SEPTIN1: variants seen among roughly 807,000 people sequenced by gnomAD.
SEPTIN1 encodes septin 1.
A neutral mutation model predicts 50.7 loss-of-function variants in SEPTIN1; 52 were observed. The ratio of observed to expected loss-of-function variants is 1.03; its 90% CI spans 0.82 to 1.29. SEPTIN1 has a LOEUF of 1.29. Among genes scored for constraint, SEPTIN1 ranks in the 50% most tolerant of loss-of-function variants. The pLI is 0.00. For missense variants in SEPTIN1, 455 were observed against 490.7 expected (o/e 0.93, Z 0.69); for synonymous variants, 204 against 189.1 (o/e 1.08, Z -0.65).
At position 30,379,467 on chromosome 16, in the gene SEPTIN1, C is replaced by G. The variant is rs761882617; in HGVS notation, c.743G>C (p.Arg248Thr). 7 of 1,613,944 alleles carry G rather than the reference C, an allele frequency of 4.3e-6. No homozygotes were observed. The highest frequency in any genetic ancestry group is 5.9e-6 in the Non-Finnish European group (7 of 1,179,990). The change falls in exon 8 of 11, where the codon AGG becomes ACG. Residue 248 changes from arginine to threonine, a missense_variant. Transcript: ENST00000321367. ...VVRDGGNRPV[R>T]GRRYSWGTVE... is the part of the protein sequence containing the mutation. Reference sequence around the variant, plus strand: ...GGTCCCCCAGGAGTAGCGGCGTCCCCTCACCGGCCGGTTCCCGCCATCCCT... The same window carrying G: ...GGTCCCCCAGGAGTAGCGGCGTCCCGTCACCGGCCGGTTCCCGCCATCCCT...
intron 8 of SEPTIN1, 74 bp downstream of exon 8, chr16:30,379,361 A>G (rs1184923355): frequency 6.8e-7 from 1 of 1,464,498 alleles, no homozygotes; most frequent in Non-Finnish European, 9.5e-7. Context: ...CCCCAACTTC[A>G]CATGTTGAGT....
At position 30,378,320 on chromosome 16, in the gene SEPTIN1, C is replaced by T; in HGVS notation, c.*114G>A. ...GCTGGGAGAACCTCCCCCTAGCCCGCGCGAGGGCGGCACCCGCGGAGGTCC... is the reference window on the plus strand; with the variant it reads ...GCTGGGAGAACCTCCCCCTAGCCCGTGCGAGGGCGGCACCCGCGGAGGTCC... On this transcript the variant is annotated 3_prime_UTR_variant, in exon 11 of 11. Transcript: ENST00000321367. 1 of 1,047,466 alleles carries T rather than the reference C, an allele frequency of 9.5e-7. No individual in the cohort carries two copies. The highest frequency in any genetic ancestry group is 1.6e-5 in the African/African-American group (1 of 61,618). The allele number at this position is 1,047,466 out of a possible 1,614,324, so 64.9% of individuals were successfully genotyped here.
chr16:30,378,358 G>A lies in SEPTIN1; in HGVS notation c.*76C>T, dbSNP rs1336509220. ...CCCGCGGAGGTCCCGGGGGGCGCTG[G>A]GCAGTGTGGGGCGCGGGGATTGGAC... On this transcript the variant is annotated 3_prime_UTR_variant, in exon 11 of 11. Transcript: ENST00000321367. 2.2e-6 allele frequency: 3 copies of A among 1,364,136 alleles called. No individual in the cohort carries two copies. Among genetic ancestry groups the A allele is most frequent in the East Asian group, 2.5e-5 (1 of 39,906 alleles). 84.5% of individuals were successfully genotyped at this position (1,364,136 alleles called of 1,614,324 possible). A position where few individuals can be genotyped will look rare whatever the true frequency, so the allele number is the denominator to read the frequency against.
Position 30,381,967 on chromosome 16 carries a change from C to T in SEPTIN1, c.197-84G>A. 3 of 1,604,678 alleles carry T rather than the reference C, an allele frequency of 1.9e-6. No homozygotes were observed. The highest frequency in any genetic ancestry group is 2.6e-6 in the Non-Finnish European group (3 of 1,174,166). On this transcript the variant is annotated intron_variant, in intron 3 of 10. Transcript: ENST00000321367. The surrounding 1 kb of genome is among the most constrained non-coding windows in gnomAD (Gnocchi z 4.3). ...TTTGTCAATATCACAGTTGCCTGCA[C>T]CCATTTCCCAGGGGAGGAAAGTCTC...
At chr16:30,379,818 G>T (rs1274859860) in intron 7 of SEPTIN1, 114 bp downstream of exon 7, 8 of 681,548 alleles carry the variant, frequency 1.2e-5, no homozygotes, top group African/African-American at 1.1e-4. Context: ...TGTTGCCCAG[G>T]CTGGTCTGGA....
intron 6 of SEPTIN1, chr16:30,380,305 A>G: frequency 5.1e-6 from 1 of 196,730 alleles, no homozygotes; most frequent in Non-Finnish European, 1.0e-5. Flanking sequence ...TACAACAAAT[A>G]TACACATATA....
rs779692638 is a variant in SEPTIN1, at chr16:30,378,232, G to T, written c.*202C>A. The T allele has an allele frequency of 1.8e-5, 12 of 672,172 alleles. 1 individual carries two copies. In the South Asian group the frequency reaches 2.0e-4, roughly 11 times the overall value. The allele number at this position is 672,172 out of a possible 1,614,324, so 41.6% of individuals were successfully genotyped here. A position where few individuals can be genotyped will look rare whatever the true frequency, so the allele number is the denominator to read the frequency against. On this transcript the variant is annotated 3_prime_UTR_variant, in exon 11 of 11. Transcript: ENST00000321367. ...GCGGTCGGAGATTGTGCAGGCCCCG[G>T]GCCGGGAAGTGGGCGGTGTCTGGGT...
At position 30,381,046 on chromosome 16, in the gene SEPTIN1, C is replaced by G. The variant is rs547951510; in HGVS notation, c.573+81G>C. 63 of 1,137,360 alleles carry G rather than the reference C, an allele frequency of 5.5e-5. No homozygotes were observed. The South Asian group carries it at 7.5e-4, about 13-fold the overall frequency. 70.5% of individuals were successfully genotyped at this position (1,137,360 alleles called of 1,614,324 possible). Reference sequence around the variant, plus strand: ...CCTGATGCACCATGCTCCAGAAAGGCCACTTCAAGATCAAAGAAGTCTAAG... The same window carrying G: ...CCTGATGCACCATGCTCCAGAAAGGGCACTTCAAGATCAAAGAAGTCTAAG... On this transcript the variant is annotated intron_variant, in intron 6 of 10. Transcript: ENST00000321367. This position sits in a 1 kb window ranked among gnomAD's most constrained non-coding sequence, Gnocchi z 4.3.
At position 30,379,475 on chromosome 16, in the gene SEPTIN1, C is replaced by T. The variant is rs1364572876; in HGVS notation, c.735G>A (p.Arg245=). ...SCEVVRDGGN[R]PVRGRRYSWG... ...AGGAGTAGCGGCGTCCCCTCACCGG[C>T]CGGTTCCCGCCATCCCTCACCACCT... is the stretch of plus-strand genomic sequence containing the variant. The change falls in exon 8 of 11, where the codon CGG becomes CGA. Residue 245 remains arginine, a synonymous_variant. Transcript: ENST00000321367. 1.7e-5 allele frequency: 28 copies of T among 1,613,792 alleles called. No individual in the cohort carries two copies. The highest frequency in any genetic ancestry group is 6.7e-5 in the Admixed American group (4 of 59,980).
rs746072684 is a variant in SEPTIN1 at position 30,381,095 on chromosome 16, TG to T, written c.573+31del. The stretch of plus-strand genomic sequence containing the variant: ...AGCTGAAATCAGGTTTGGCTTCACA[TG>T]GGGTCAAAGGTCAGAGGTCATCACT... On this transcript the variant is annotated intron_variant, in intron 6 of 10. Coordinates refer to ENST00000321367, the MANE Select transcript of SEPTIN1 (RefSeq NM_001365977.2). This position sits in a 1 kb window ranked among gnomAD's most constrained non-coding sequence, Gnocchi z 4.3. 2 of 1,543,170 alleles carry T rather than the reference TG, an allele frequency of 1.3e-6. No individual in the cohort carries two copies. The highest frequency in any genetic ancestry group is 3.3e-5 in the Admixed American group (2 of 59,896).
At position 30,381,593 on chromosome 16, in the gene SEPTIN1, G is replaced by A; in HGVS notation, c.321-120C>T. ...TGGCTCCCTCCAAAGACATTAAGGG[G>A]AACTGGTGGGGGCCTAGGTGAGTCA... On this transcript the variant is annotated intron_variant, in intron 4 of 10. Coordinates refer to ENST00000321367, the MANE Select transcript of SEPTIN1 (RefSeq NM_001365977.2). The surrounding 1 kb of genome is among the most constrained non-coding windows in gnomAD (Gnocchi z 4.3). 6.8e-7 allele frequency: 1 copy of A among 1,466,784 alleles called. No homozygotes were observed. Among genetic ancestry groups the A allele is most frequent in the Non-Finnish European group, 9.4e-7 (1 of 1,066,844 alleles). The allele number at this position is 1,466,784 out of a possible 1,614,324, so 90.9% of individuals were successfully genotyped here. A position where few individuals can be genotyped will look rare whatever the true frequency, so the allele number is the denominator to read the frequency against.
At position 30,381,436 on chromosome 16, in the gene SEPTIN1, C is replaced by G. The variant is rs770840091; in HGVS notation, c.358G>C (p.Glu120Gln). The change falls in exon 5 of 11, where the codon GAG becomes CAG. Residue 120 changes from glutamate (E) to glutamine (Q), a missense_variant. Transcript: ENST00000321367. The surrounding 1 kb of genome is among the most constrained non-coding windows in gnomAD (Gnocchi z 4.3). Reference sequence around the variant, plus strand: ...CCACTCTCATCCCTAAGGTACTGCTCAAATTGCTCCTCGATGAATTTCACC... The same window carrying G: ...CCACTCTCATCCCTAAGGTACTGCTGAAATTGCTCCTCGATGAATTTCACC... ...PVVKFIEEQFEQYLRDESGLN... is the reference protein window; with the variant it reads ...PVVKFIEEQFQQYLRDESGLN... The G allele has an allele frequency of 6.2e-7, 1 of 1,614,012 alleles. No homozygotes were observed. Among genetic ancestry groups the G allele is most frequent in the Non-Finnish European group, 8.5e-7 (1 of 1,180,008 alleles).
At position 30,381,477 on chromosome 16, in the gene SEPTIN1, G is replaced by C. The variant is rs895126913; in HGVS notation, c.321-4C>G. 1.2e-6 allele frequency: 2 copies of C among 1,614,042 alleles called. No individual in the cohort carries two copies. Among genetic ancestry groups the C allele is most frequent in the Non-Finnish European group, 1.7e-6 (2 of 1,179,986 alleles). ...GAATTTCACCACCGGAAGCCAGCTG[G>C]GTGTGGGGAGAGGATGTGAGGTCAG... On this transcript the variant is annotated splice_region_variant and splice_polypyrimidine_tract_variant and intron_variant, in intron 4 of 10. Transcript: ENST00000321367. The surrounding 1 kb of genome is among the most constrained non-coding windows in gnomAD (Gnocchi z 4.3).
chr16:30,381,620 C>A lies in SEPTIN1; in HGVS notation c.320+140G>T. 2.0e-6 allele frequency: 3 copies of A among 1,477,920 alleles called. No individual in the cohort carries two copies. The highest frequency in any genetic ancestry group is 3.9e-5 in the Admixed American group (2 of 51,656). 91.6% of individuals were successfully genotyped at this position (1,477,920 alleles called of 1,614,324 possible). ...ACTGGTGGGGGCCTAGGTGAGTCAT[C>A]AAGAAGCACAGGGACCCAGTGGCCC... On this transcript the variant is annotated intron_variant, in intron 4 of 10. Transcript: ENST00000321367. This position sits in a 1 kb window ranked among gnomAD's most constrained non-coding sequence, Gnocchi z 4.3.
At chr16:30,378,989 G>T (rs1266355407) in intron 9 of SEPTIN1, 29 bp downstream of exon 9, 2 of 1,600,132 alleles carry the variant, frequency 1.2e-6, no homozygotes, top group African/African-American at 1.3e-5. Flanking sequence ...GACCTTGGAG[G>T]CTCTGATACT....
In SEPTIN1 at chr16:30,378,358, G is replaced by T; in HGVS notation, c.*76C>A. The T allele has an allele frequency of 2.2e-6, 3 of 1,364,252 alleles. No homozygotes were observed. The highest frequency in any genetic ancestry group is 2.7e-5 in the South Asian group (2 of 74,280). 84.5% of individuals were successfully genotyped at this position (1,364,252 alleles called of 1,614,324 possible). On this transcript the variant is annotated 3_prime_UTR_variant, in exon 11 of 11. Coordinates refer to ENST00000321367, the MANE Select transcript of SEPTIN1 (RefSeq NM_001365977.2). ...CCCGCGGAGGTCCCGGGGGGCGCTG[G>T]GCAGTGTGGGGCGCGGGGATTGGAC...
At chr16:30,380,138 G>C (rs2049825269) in intron 6 of SEPTIN1, 105 bp from the exon 7 acceptor site, 2 of 884,142 alleles carry the variant, frequency 2.3e-6, no homozygotes, top group East Asian at 6.0e-5. Flanking sequence ...CAGAGACAGA[G>C]AGAAAGACAT....
rs113883702 is a variant in SEPTIN1 at position 30,379,896 on chromosome 16, C to T, written c.675+36G>A. On this transcript the variant is annotated intron_variant, in intron 7 of 10. Transcript: ENST00000321367. Reference sequence around the variant, plus strand: ...TGCTGGGATTACAGACGTGAGCCACCGTGCCCGGCCTGCCTTCCTTCTTTG... The same window carrying T: ...TGCTGGGATTACAGACGTGAGCCACTGTGCCCGGCCTGCCTTCCTTCTTTG... 158 of 1,181,678 alleles carry T rather than the reference C, an allele frequency of 1.3e-4. No individual in the cohort carries two copies. The African/African-American group carries it at 1.4e-3, about 10-fold the overall frequency. The allele number at this position is 1,181,678 out of a possible 1,614,324, so 73.2% of individuals were successfully genotyped here. A position where few individuals can be genotyped will look rare whatever the true frequency, so the allele number is the denominator to read the frequency against.
Position 30,379,911 on chromosome 16 carries a change from T to C in SEPTIN1, c.675+21A>G, listed in dbSNP as rs372572766. Reference sequence around the variant, plus strand: ...CGTGAGCCACCGTGCCCGGCCTGCCTTCCTTCTTTGTTTCCCACACCTTCA... The same window carrying C: ...CGTGAGCCACCGTGCCCGGCCTGCCCTCCTTCTTTGTTTCCCACACCTTCA... On this transcript the variant is annotated intron_variant, in intron 7 of 10. Transcript: ENST00000321367. The C allele has an allele frequency of 1.2e-5, 16 of 1,374,848 alleles. No homozygotes were observed. In the African/African-American group the frequency reaches 2.2e-4, roughly 18 times the overall value. The allele number at this position is 1,374,848 out of a possible 1,614,324, so 85.2% of individuals were successfully genotyped here.
Sources: gnomAD v4.1 joint callset for allele counts on GRCh38, gnomAD v4.1.1 for gene constraint, Gnocchi (gnomAD v3.1) non-coding constraint, MANE v1.5 for transcripts, NCBI Gene and HGNC (gene_info 2026-07-23, HGNC 2026-07-21) for gene names.